The following KLHL15 variants were observed in gnomAD, a reference collection of about 807,000 sequenced individuals.
The protein encoded by KLHL15 is kelch-like protein 15.
A neutral mutation model predicts 29.3 loss-of-function variants in KLHL15; 1 was observed. The ratio of observed to expected loss-of-function variants is 0.03; its 90% CI spans 0.01 to 0.16. The LOEUF (loss-of-function observed/expected upper bound fraction) is 0.16, where lower values mean the gene tolerates loss of function less well. Ranked by LOEUF, KLHL15 falls within the 10% of genes least tolerant of loss-of-function variation. The pLI is 1.00. For missense variants in KLHL15, 215 were observed against 478.5 expected (o/e 0.45, Z 5.14); for synonymous variants, 212 against 184.5 (o/e 1.15, Z -1.21).
At position 23,986,010 on chromosome X, in the gene KLHL15, C is replaced by T. The variant is rs756591544; in HGVS notation, c.*1911G>A. The T allele has an allele frequency of 9.0e-6, 1 of 111,253 alleles. No homozygotes were observed. The highest frequency in any genetic ancestry group is 1.9e-5 in the Non-Finnish European group (1 of 52,971). The allele number at this position is 111,253 out of a possible 1,213,427, so 9.2% of individuals were successfully genotyped here. ...AGATACCAAATTTCATGTTTGGAAA[C>T]TGTAAGTAAATGACAGGACTAGTTA... On this transcript the variant is annotated 3_prime_UTR_variant, in exon 4 of 4. Transcript: ENST00000328046.
intron 3 of KLHL15, among the ~76,000 whole-genome samples, chrX:23,997,730 CAAA>C (rs59857010): frequency 4.1e-5 from 1 of 24,245 alleles, no homozygotes; most frequent in African/African-American, 1.4e-4. Context: ...GACTCTGTCT[CAAA>C]AAAAAAAAAA....
chrX:24,007,512 T>A (rs12392060), intron 2 of KLHL15, among the ~76,000 whole-genome samples: 13 of 51,321 alleles, frequency 2.5e-4, no homozygotes, highest in African/African-American at 2.0e-3. Flanking sequence ...AAAAAAAATA[T>A]ATATATATAT....
intron 3 of KLHL15, among the ~76,000 whole-genome samples, chrX:24,001,321 T>C (rs1311456369): frequency 8.9e-6 from 1 of 111,741 alleles, no homozygotes; most frequent in Non-Finnish European, 1.9e-5. Flanking sequence ...TAAGATACTG[T>C]ATTTTACATA....
intron 3 of KLHL15, among the ~76,000 whole-genome samples, chrX:23,992,695 G>A (rs1429925055): frequency 3.6e-5 from 4 of 112,243 alleles, no homozygotes; most frequent in Non-Finnish European, 3.8e-5. Context: ...AAAGCATAAC[G>A]CTGACTGCAT....
At chrX:24,003,381 TA>T (rs373571267) in intron 3 of KLHL15, among the ~76,000 whole-genome samples, 23,239 of 98,397 alleles carry the variant, frequency 0.24, 3,846 homozygotes, top group African/African-American at 0.56. Flanking sequence ...CCGTCTCTAC[TA>T]AAAAAAAAAA....
intron 2 of KLHL15, 28 bp from the exon 3 acceptor site, chrX:24,006,728 T>TA (rs1929451585): frequency 1.9e-6 from 2 of 1,041,370 alleles, no homozygotes; most frequent in Non-Finnish European, 2.6e-6. Context: ...ACAACAATGT[T>TA]AAACACTTCC....
chrX:24,003,676 T>TGC (rs1312115234), intron 3 of KLHL15, among the ~76,000 whole-genome samples: 1 of 102,997 alleles, frequency 9.7e-6, no homozygotes, highest in Admixed American at 1.1e-4. Context: ...TGTGTGTGTG[T>TGC]GTGCTCGTGT....
intron 2 of KLHL15, among the ~76,000 whole-genome samples, chrX:24,009,687 A>C (rs1452714091): frequency 7.5e-5 from 4 of 53,111 alleles, no homozygotes; most frequent in Admixed American, 5.5e-4. Context: ...TTCCATTTTC[A>C]AAAAAAAAAA....
intron 2 of KLHL15, among the ~76,000 whole-genome samples, chrX:24,018,662 A>G (rs1929741649): frequency 9.0e-6 from 1 of 111,501 alleles, no homozygotes; most frequent in East Asian, 2.8e-4. Context: ...AGTCCCCACT[A>G]AAGGGGCTTC....
rs1240913465 is a variant in KLHL15 at position 24,006,067 on chromosome X, T to C, written c.627A>G (p.Arg209=). ...EAVQSWLRHD[R]RRWRHTDTII... is the part of the protein sequence containing the mutation. The stretch of plus-strand genomic sequence containing the variant: ...TGGTATCGGTATGTCTCCAGCGTCT[T>C]CTATCATGCCGCAGCCAAGACTGCA... Residue 209 remains arginine, a synonymous_variant, in exon 3 of 4, where the codon AGA becomes AGG. Transcript: ENST00000328046. 5 of 1,209,585 alleles carry C rather than the reference T, an allele frequency of 4.1e-6. No individual in the cohort carries two copies. The highest frequency in any genetic ancestry group is 1.8e-5 in the African/African-American group (1 of 57,015).
At chrX:23,989,112 T>C in intron 3 of KLHL15, 82 bp from the exon 4 acceptor site, 1 of 800,664 alleles carries the variant, frequency 1.2e-6, no homozygotes, top group Non-Finnish European at 1.7e-6. Flanking sequence ...AATACGATCA[T>C]CTTAGGCTCA....
chrX:23,993,458 T>C (rs1601998862), intron 3 of KLHL15, among the ~76,000 whole-genome samples: 1 of 111,445 alleles, frequency 9.0e-6, no homozygotes, highest in Middle Eastern at 4.6e-3. Flanking sequence ...ACAGCACTGA[T>C]AGAGAATGAG....
chrX:23,991,953 TTTCTTA>T (rs1361920092), intron 3 of KLHL15, among the ~76,000 whole-genome samples: 1 of 112,472 alleles, frequency 8.9e-6, no homozygotes, highest in African/African-American at 3.2e-5. Flanking sequence ...TTCTCATCTT[TTTCTTA>T]TTGAGTTGTA....
chrX:24,023,070 C>T (rs1314725549), intron 2 of KLHL15, among the ~76,000 whole-genome samples: 1 of 111,485 alleles, frequency 9.0e-6, no homozygotes, highest in East Asian at 2.8e-4. Flanking sequence ...TAATGTCGTT[C>T]TGAGTAAAGG....
intron 3 of KLHL15, among the ~76,000 whole-genome samples, chrX:24,002,609 T>G (rs1929351389): frequency 9.1e-6 from 1 of 109,694 alleles, no homozygotes; most frequent in Admixed American, 9.8e-5. Context: ...CTATGTTTTT[T>G]TTTTTTTTTT....
intron 3 of KLHL15, among the ~76,000 whole-genome samples, chrX:24,005,065 TGACC>T (rs200389066): frequency 0.031 from 3,503 of 111,550 alleles, 60 homozygotes; most frequent in Admixed American, 0.085. Flanking sequence ...ACATGAAAAG[TGACC>T]GACCAAGTTT....
intron 3 of KLHL15, among the ~76,000 whole-genome samples, chrX:24,000,551 G>A (rs1438278259): frequency 1.8e-5 from 2 of 112,031 alleles, no homozygotes; most frequent in South Asian, 7.3e-4. Context: ...TAAAACTGAG[G>A]GCTTATATTT....
chrX:24,019,615 A>G (rs1272363476), intron 2 of KLHL15, among the ~76,000 whole-genome samples: 1 of 109,110 alleles, frequency 9.2e-6, no homozygotes, highest in Admixed American at 9.8e-5. Context: ...CAGGCTTGAG[A>G]ACAACTGAAA....
rs199638259 is a variant in KLHL15, at chrX:23,988,080, A to G, written c.1656T>C (p.Tyr552=). The G allele has an allele frequency of 2.2e-5, 27 of 1,209,627 alleles. No individual in the cohort carries two copies. The African/African-American group carries it at 2.8e-4, about 13-fold the overall frequency. ...KQIMVLGGLC[Y]NGHYSDSILT... ...GGATGGAATCGCTGTAATGACCATT[A>G]TAACAAAGGCCTCCAAGAACCATTA... is the stretch of plus-strand genomic sequence containing the variant. The change falls in exon 4 of 4, where the codon TAT becomes TAC. Residue 552 remains tyrosine (Y), a synonymous_variant. Transcript: ENST00000328046.
Sources: allele counts gnomAD v4.1 joint callset (sites outside exome capture counted in the v4.1 genomes callset), GRCh38; gene constraint gnomAD v4.1.1; transcripts MANE v1.5; gene names NCBI Gene and HGNC (gene_info 2026-07-23, HGNC 2026-07-21).